DGKD: variants seen among roughly 807,000 people sequenced by gnomAD.
The protein encoded by DGKD is DAG kinase delta.
A neutral mutation model predicts 154.4 loss-of-function variants in DGKD; 68 were observed. That is an observed-to-expected ratio of 0.44 (90% CI 0.36 to 0.54). The LOEUF (loss-of-function observed/expected upper bound fraction) is 0.54, where lower values mean the gene tolerates loss of function less well. Ranked by LOEUF, DGKD falls within the 20% of genes least tolerant of loss-of-function variation. The pLI is 0.00. For missense variants in DGKD, 1,343 were observed against 1,593.6 expected (o/e 0.84, Z 2.68); for synonymous variants, 693 against 638.0 (o/e 1.09, Z -1.30).
In DGKD at chr2:233,457,273, A is replaced by C; in HGVS notation, c.2525A>C (p.Asn842Thr). Residue 842 changes from asparagine to threonine, a missense_variant, in exon 21 of 30, where the codon AAC becomes ACC. Physicochemically the swap from Asn to Thr is moderately conservative, Grantham distance 65. Coordinates refer to ENST00000264057, the MANE Select transcript of DGKD (RefSeq NM_152879.3). The surrounding 1 kb of genome is among the most constrained non-coding windows in gnomAD (Gnocchi z 5.5). ...AGTCTTCAGGGAATTGCTGTCCTTA[A>C]CATTCCCAGCTATGCCGGAGGAACC... ...LPSLQGIAVL[N>T]IPSYAGGTNF... 6.5e-7 allele frequency: 1 copy of C among 1,529,292 alleles called. No homozygotes were observed. Among genetic ancestry groups the C allele is most frequent in the Non-Finnish European group, 8.8e-7 (1 of 1,138,824 alleles). The allele number at this position is 1,529,292 out of a possible 1,614,324, so 94.7% of individuals were successfully genotyped here. A position where few individuals can be genotyped will look rare whatever the true frequency, so the allele number is the denominator to read the frequency against.
rs1019479774 is a variant in DGKD at position 233,452,150 on chromosome 2, T to G, written c.2264+90T>G. 2 of 1,242,446 alleles carry G rather than the reference T, an allele frequency of 1.6e-6. No homozygotes were observed. The highest frequency in any genetic ancestry group is 2.3e-6 in the Non-Finnish European group (2 of 851,658). 77.0% of individuals were successfully genotyped at this position (1,242,446 alleles called of 1,614,324 possible). A position where few individuals can be genotyped will look rare whatever the true frequency, so the allele number is the denominator to read the frequency against. On this transcript the variant is annotated intron_variant, in intron 18 of 29. Transcript: ENST00000264057. The surrounding 1 kb of genome is among the most constrained non-coding windows in gnomAD (Gnocchi z 4.0). ...TCTCAGGATTAACTAGAGAAATTAG[T>G]GAGCAGTTGCCCAGCTGGTGGTAGC...
At position 233,469,668 on chromosome 2, in the gene DGKD, A is replaced by G. The variant is rs911073094; in HGVS notation, c.*208A>G. ...GAGCTCTGGGGTCTCGAACATAACA[A>G]CACAGCTACCTTTGAAACAACACTT... On this transcript the variant is annotated 3_prime_UTR_variant, in exon 30 of 30. Coordinates refer to ENST00000264057, the MANE Select transcript of DGKD (RefSeq NM_152879.3). 1.4e-5 allele frequency: 8 copies of G among 570,748 alleles called. No individual in the cohort carries two copies. The highest frequency in any genetic ancestry group is 3.1e-5 in the Admixed American group (1 of 32,492). The allele number at this position is 570,748 out of a possible 1,614,324, so 35.4% of individuals were successfully genotyped here.
At position 233,438,266 on chromosome 2, in the gene DGKD, C is replaced by T. The variant is rs373150668; in HGVS notation, c.972C>T (p.Val324=). The T allele has an allele frequency of 1.9e-6, 3 of 1,614,094 alleles. No homozygotes were observed. The highest frequency in any genetic ancestry group is 1.3e-5 in the African/African-American group (1 of 74,924). The change falls in exon 9 of 30, where the codon GTC becomes GTT. Residue 324 remains valine (V), a synonymous_variant. Transcript: ENST00000264057. The surrounding 1 kb of genome is among the most constrained non-coding windows in gnomAD (Gnocchi z 4.1). ...CPPSCTSPLL[V]FVNSKSGDNQ... is the part of the protein sequence containing the mutation. The stretch of plus-strand genomic sequence containing the variant: ...CTTCTTGCACAAGCCCACTGTTGGT[C>T]TTCGTCAATTCAAAAAGTGGGGACA...
chr2:233,447,782 G>C, intron 12 of DGKD: 1 of 1,141,350 alleles, frequency 8.8e-7, no homozygotes, highest in Non-Finnish European at 1.1e-6. Context: ...CCGCTGTCAG[G>C]ATGAGTAGGG....
chr2:233,451,030 A>T lies in DGKD; in HGVS notation c.2147A>T (p.Asn716Ile), dbSNP rs763872742. 1 of 1,611,434 alleles carries T rather than the reference A, an allele frequency of 6.2e-7. No homozygotes were observed. Among genetic ancestry groups the T allele is most frequent in the Admixed American group, 1.7e-5 (1 of 59,974 alleles). Residue 716 changes from asparagine to isoleucine, a missense_variant, in exon 17 of 30, where the codon AAC (asparagine) becomes ATC (isoleucine). Asn to Ile is a moderately radical substitution (Grantham distance 149). Coordinates refer to ENST00000264057, the MANE Select transcript of DGKD (RefSeq NM_152879.3). ...PGSRDGLPAL[N>I]TKILYPNVRA... Reference sequence around the variant, plus strand: ...AGCCGGGACGGCCTGCCTGCGCTCAACACCAAGATCCTGTACCCAAGTGAG... The same window carrying T: ...AGCCGGGACGGCCTGCCTGCGCTCATCACCAAGATCCTGTACCCAAGTGAG...
chr2:233,435,279 C>G lies in DGKD; in HGVS notation c.586+378C>G, dbSNP rs1347391909. ...GTTACAGACTTAGAGGTCAGGGCTGCAGGGTTTGGGCAAGGGCATTCAGTC... is the reference window on the plus strand; with the variant it reads ...GTTACAGACTTAGAGGTCAGGGCTGGAGGGTTTGGGCAAGGGCATTCAGTC... On this transcript the variant is annotated intron_variant, in intron 5 of 29. Transcript: ENST00000264057. Among the ~76,000 whole-genome samples the G allele has an allele frequency of 2.0e-5, 3 of 152,224 alleles. No individual in the cohort carries two copies. The East Asian group carries it at 5.8e-4, about 29-fold the overall frequency.
intron 17 of DGKD, among the ~76,000 whole-genome samples, chr2:233,451,432 G>T (rs929288263): frequency 6.6e-6 from 1 of 152,154 alleles, no homozygotes. Context: ...GGAGGGTGAG[G>T]TCCTGGCCGC....
At chr2:233,379,943 C>CT (rs1029642867) in intron 1 of DGKD, 5 of 152,216 alleles carry the variant, frequency 3.3e-5, no homozygotes, top group Non-Finnish European at 7.3e-5. Flanking sequence ...AGCTCACTGC[C>CT]TTCAGGCCAG....
chr2:233,471,313 CCT>C lies in DGKD; in HGVS notation c.*1857_*1858del, dbSNP rs1201239933. On this transcript the variant is annotated 3_prime_UTR_variant, in exon 30 of 30. Coordinates refer to ENST00000264057, the MANE Select transcript of DGKD (RefSeq NM_152879.3). ...AGGTGGTTGTATGTTACCTTTTCCA[CCT>C]CTCATTGTTTTCCCCAGAACATTGT... 3 of 152,426 alleles carry C rather than the reference CCT, an allele frequency of 2.0e-5. No individual in the cohort carries two copies. Among genetic ancestry groups the C allele is most frequent in the Admixed American group, 1.3e-4 (2 of 15,290 alleles). 9.4% of individuals were successfully genotyped at this position (152,426 alleles called of 1,614,324 possible).
chr2:233,405,660 C>G (rs2061669339), intron 3 of DGKD, among the ~76,000 whole-genome samples: 1 of 152,166 alleles, frequency 6.6e-6, no homozygotes, highest in South Asian at 2.1e-4. Flanking sequence ...TCACTGTCAC[C>G]TTTGACGCAG....
chr2:233,448,651 A>G (rs2063165269), intron 14 of DGKD, among the ~76,000 whole-genome samples: 1 of 152,240 alleles, frequency 6.6e-6, no homozygotes, highest in Non-Finnish European at 1.5e-5. Context: ...ACCCCCTAGA[A>G]GTATCCCATT....
At chr2:233,396,932 G>C (rs1704089017) in intron 3 of DGKD, among the ~76,000 whole-genome samples, 1 of 133,264 alleles carries the variant, frequency 7.5e-6, no homozygotes, top group African/African-American at 2.9e-5. Flanking sequence ...GTGGCTGGGG[G>C]GGGCCAGAGC....
chr2:233,418,432 T>A (rs1034146785), intron 3 of DGKD, among the ~76,000 whole-genome samples: 1 of 152,270 alleles, frequency 6.6e-6, no homozygotes, highest in East Asian at 1.9e-4. Context: ...AATGAAGTAC[T>A]GTTGAAATAG....
In DGKD at chr2:233,377,755, G is replaced by A. The variant is rs529025653; in HGVS notation, c.157-10502G>A. Among the ~76,000 whole-genome samples, 32 of 152,150 alleles carry A rather than the reference G, an allele frequency of 2.1e-4. 1 individual carries two copies. Among genetic ancestry groups the A allele is most frequent in the Admixed American group, 7.9e-4 (12 of 15,256 alleles). On this transcript the variant is annotated intron_variant, in intron 1 of 29. Transcript: ENST00000264057. ...GGCCATCCCGTTTTGCAGTCGTGTT[G>A]AGTGCCTGTCTCCCCGTTGCCATAG... is the stretch of plus-strand genomic sequence containing the variant.
intron 16 of DGKD, 134 bp downstream of exon 16, chr2:233,450,265 G>A (rs549061201): frequency 1.8e-5 from 21 of 1,181,412 alleles, no homozygotes; most frequent in South Asian, 3.4e-5. Context: ...AAAATTGAGC[G>A]CCCAAGGCCT....
At chr2:233,466,791 TATG>T (rs760684776) in intron 27 of DGKD, among the ~76,000 whole-genome samples, 16 of 152,280 alleles carry the variant, frequency 1.1e-4, no homozygotes, top group Non-Finnish European at 1.9e-4. Context: ...TACTGATATT[TATG>T]ATATTTTCAA....
intron 3 of DGKD, among the ~76,000 whole-genome samples, chr2:233,400,487 C>T (rs780857802): frequency 6.6e-6 from 1 of 152,230 alleles, no homozygotes; most frequent in African/African-American, 2.4e-5. Context: ...CCTCCCTGGC[C>T]ACCTGCTGGC....
chr2:233,437,329 T>C (rs763732532), intron 7 of DGKD, 48 bp from the exon 8 acceptor site: 21 of 1,544,132 alleles, frequency 1.4e-5, no homozygotes, highest in Non-Finnish European at 7.2e-6. Flanking sequence ...TTCTGGTGTG[T>C]GTGAAGGATG....
At chr2:233,446,576 C>T in intron 11 of DGKD, 136 bp from the exon 12 acceptor site, 1 of 801,900 alleles carries the variant, frequency 1.2e-6, no homozygotes, top group Non-Finnish European at 2.0e-6. Context: ...GGGACAGAGT[C>T]AAGACCAAGG....
Sources: gnomAD v4.1 joint callset for allele counts (sites outside exome capture counted in the v4.1 genomes callset) on GRCh38, gnomAD v4.1.1 for gene constraint, Gnocchi (gnomAD v3.1) non-coding constraint, MANE v1.5 for transcripts, NCBI Gene and HGNC (gene_info 2026-07-23, HGNC 2026-07-21) for gene names.